Variants in COL21A1 observed in about 807,000 individuals in gnomAD.
COL21A1 encodes the protein collagen alpha-1(XXI) chain.
COL21A1 carries 149 observed loss-of-function variants against 137.9 expected under a neutral mutation model. The ratio of observed to expected loss-of-function variants is 1.08; its 90% confidence interval spans 0.95 to 1.24. The LOEUF is 1.24. COL21A1 is among the 50% of genes most tolerant of loss of function. The probability of loss-of-function intolerance (pLI) is 0.00; values close to 1 mark genes in which losing one functional copy is unlikely to be tolerated. For synonymous variants in COL21A1, 456 were observed against 391.5 expected (o/e 1.16, Z -1.95); for missense variants, 1,167 against 1,158.4 (o/e 1.01, Z -0.11).
At chr6:56,064,433 C>CTACAT in intron 24 of COL21A1, 145 bp downstream of exon 24, 1 of 547,214 alleles carries the variant, frequency 1.8e-6, no homozygotes, top group Non-Finnish European at 3.2e-6. Flanking sequence ...ACCACACTAC[C>CTACAT]TACATGTTCA....
At chr6:56,230,903 T>A (rs1013406049) in intron 1 of COL21A1, among the ~76,000 whole-genome samples, 1 of 151,956 alleles carries the variant, frequency 6.6e-6, no homozygotes, top group African/African-American at 2.4e-5. Context: ...TATAATTGCT[T>A]ACTTAAATAT....
chr6:56,104,604 G>A (rs1770719483), intron 16 of COL21A1, among the ~76,000 whole-genome samples: 1 of 152,074 alleles, frequency 6.6e-6, no homozygotes, highest in Non-Finnish European at 1.5e-5. Flanking sequence ...ATTTGAAAAA[G>A]TATAAAACAT....
chr6:56,200,917 C>T (rs1375323263), intron 1 of COL21A1, among the ~76,000 whole-genome samples: 3 of 152,144 alleles, frequency 2.0e-5, no homozygotes, highest in Non-Finnish European at 4.4e-5. Flanking sequence ...TACAGTCCCA[C>T]CAACAGTGTA....
At chr6:56,389,246 C>T (rs1357521059) in intron 1 of COL21A1, among the ~76,000 whole-genome samples, 1 of 151,962 alleles carries the variant, frequency 6.6e-6, no homozygotes, top group African/African-American at 2.4e-5. Context: ...CCTGTAGTCC[C>T]AGCTACTTGG....
chr6:56,183,957 A>C (rs2152284252), intron 1 of COL21A1, among the ~76,000 whole-genome samples: 1 of 152,318 alleles, frequency 6.6e-6, no homozygotes, highest in South Asian at 2.1e-4. Context: ...AAGATAAGTA[A>C]ACTTGAGGAT....
chr6:56,325,612 T>A (rs868046422), intron 1 of COL21A1, among the ~76,000 whole-genome samples: 6 of 386 alleles, frequency 0.016, no homozygotes, highest in East Asian at 0.33. Context: ...TATTATCTAT[T>A]ATATATAATA....
chr6:56,058,548 A>G (rs965591340), intron 29 of COL21A1, among the ~76,000 whole-genome samples: 2 of 152,260 alleles, frequency 1.3e-5, no homozygotes, highest in South Asian at 2.1e-4. Context: ...ATAAACATCT[A>G]TTTACCACTT....
Position 56,056,653 on chromosome 6 carries a change from A to C in COL21A1, c.*1004T>G, listed in dbSNP as rs1301037430. On this transcript the variant is annotated 3_prime_UTR_variant, in exon 30 of 30. Coordinates refer to ENST00000244728, the MANE Select transcript of COL21A1 (RefSeq NM_030820.4). ...AGCATGTAACAAAATTTTGAGCATG[A>C]CAAGGATGAAATATTTCAAATTCTG... 6.6e-6 allele frequency: 1 copy of C among 152,220 alleles called. No homozygotes were observed. Among genetic ancestry groups the C allele is most frequent in the African/African-American group, 2.4e-5 (1 of 41,462 alleles). The allele number at this position is 152,220 out of a possible 1,614,324, so 9.4% of individuals were successfully genotyped here.
intron 16 of COL21A1, among the ~76,000 whole-genome samples, chr6:56,110,028 G>A (rs569188662): frequency 2.6e-5 from 4 of 151,894 alleles, no homozygotes; most frequent in Admixed American, 1.3e-4. Context: ...AAAATATCAC[G>A]AAAAAGAAAA....
intron 1 of COL21A1, among the ~76,000 whole-genome samples, chr6:56,246,046 G>C (rs925110405): frequency 6.6e-6 from 1 of 151,908 alleles, no homozygotes; most frequent in South Asian, 2.1e-4. Flanking sequence ...TGAACTAATG[G>C]CTTAGAAACA....
chr6:56,176,940 G>A (rs1777522232), intron 3 of COL21A1, among the ~76,000 whole-genome samples: 1 of 149,200 alleles, frequency 6.7e-6, no homozygotes, highest in Non-Finnish European at 1.5e-5. Flanking sequence ...GGAGGAAGGA[G>A]GAGGAGGGAG....
chr6:56,258,727 A>G (rs1480989416), intron 1 of COL21A1, among the ~76,000 whole-genome samples: 2 of 152,194 alleles, frequency 1.3e-5, no homozygotes, highest in Non-Finnish European at 2.9e-5. Context: ...TAGGACCTCC[A>G]GAAATATTTT....
At chr6:56,385,483 G>A (rs559113684) in intron 1 of COL21A1, among the ~76,000 whole-genome samples, 72 of 152,040 alleles carry the variant, frequency 4.7e-4, no homozygotes, top group Admixed American at 4.6e-4. Context: ...AAGGCAATTC[G>A]AGTCCTTCTC....
chr6:56,158,734 A>C (rs1775975807), intron 9 of COL21A1, among the ~76,000 whole-genome samples: 1 of 152,206 alleles, frequency 6.6e-6, no homozygotes, highest in African/African-American at 2.4e-5. Flanking sequence ...GAAAGAACTA[A>C]GTGAACTCTA....
At chr6:56,351,133 C>T (rs1464976143) in intron 1 of COL21A1, among the ~76,000 whole-genome samples, 1 of 152,220 alleles carries the variant, frequency 6.6e-6, no homozygotes, top group Non-Finnish European at 1.5e-5. Context: ...AGGCTCTAAG[C>T]AAATAATAAG....
At chr6:56,092,033 T>A (rs1457806510) in intron 17 of COL21A1, among the ~76,000 whole-genome samples, 3 of 152,148 alleles carry the variant, frequency 2.0e-5, no homozygotes, top group Non-Finnish European at 2.9e-5. Flanking sequence ...AAGGATTCTT[T>A]GAAGCAATCT....
At chr6:56,287,647 G>A (rs7766466) in intron 1 of COL21A1, among the ~76,000 whole-genome samples, 21,757 of 151,906 alleles carry the variant, frequency 0.14, 3,764 homozygotes, top group African/African-American at 0.42. Context: ...CTAGAGAACC[G>A]TGAGCTAATT....
intron 1 of COL21A1, among the ~76,000 whole-genome samples, chr6:56,297,453 C>A (rs1201007157): frequency 2.6e-5 from 4 of 152,036 alleles, no homozygotes; most frequent in African/African-American, 7.2e-5. Flanking sequence ...ACAGACAGGT[C>A]CCTTTATATG....
chr6:56,099,880 C>A (rs559415500), intron 17 of COL21A1, among the ~76,000 whole-genome samples: 78 of 152,234 alleles, frequency 5.1e-4, no homozygotes, highest in Non-Finnish European at 7.6e-4. Context: ...CTACTTCATG[C>A]CTGGTCTGTC....
Sources: allele counts gnomAD v4.1 joint callset (sites outside exome capture counted in the v4.1 genomes callset), GRCh38; gene constraint gnomAD v4.1.1; transcripts MANE v1.5; gene names NCBI Gene and HGNC (gene_info 2026-07-23, HGNC 2026-07-21).